Variants in DISP1 observed in about 807,000 individuals in gnomAD.
DISP1 encodes dispatched RND transporter family member 1.
DISP1 carries 30 observed loss-of-function variants against 37.3 expected under a neutral mutation model. The ratio of observed to expected loss-of-function variants is 0.80; its 90% CI spans 0.60 to 1.09. DISP1 has a LOEUF of 1.09. Among genes scored for constraint, DISP1 ranks in the 50% least tolerant of loss-of-function variants. The probability of loss-of-function intolerance (pLI) is 0.00; values close to 1 mark genes in which losing one functional copy is unlikely to be tolerated. For synonymous variants in DISP1, 634 were observed against 690.2 expected (o/e 0.92, Z 1.28); for missense variants, 1,598 against 1,879.5 (o/e 0.85, Z 2.77).
In DISP1 at chr1:223,004,603, A is replaced by G. The variant is rs1064795201; in HGVS notation, c.3206A>G (p.Glu1069Gly). 9.3e-6 allele frequency: 15 copies of G among 1,613,884 alleles called. No homozygotes were observed. The Middle Eastern group carries it at 4.9e-4, about 53-fold the overall frequency. The change falls in exon 9 of 9, where the codon GAA becomes GGA. Residue 1069 changes from glutamate (E) to glycine (G), a missense_variant. Glu to Gly is a moderately conservative substitution (Grantham distance 98). Coordinates refer to ENST00000675850, the MANE Select transcript of DISP1 (RefSeq NM_001377229.1). The surrounding 1 kb of genome is among the most constrained non-coding windows in gnomAD (Gnocchi z 4.9). ...CGCTTGGCTCCAGATCCCGACCGAG[A>G]AGGCAAAGTGATCTTCTCTCTGAGT... ...AYRLAPDPDR[E>G]GKVIFSLSRV... is the part of the protein sequence containing the mutation.
At chr1:222,832,640 A>C (rs1666036796) in intron 1 of DISP1, among the ~76,000 whole-genome samples, 1 of 152,188 alleles carries the variant, frequency 6.6e-6, no homozygotes, top group African/African-American at 2.4e-5. Flanking sequence ...CACACCTATA[A>C]TCCTAGCACT....
chr1:222,989,264 C>T, intron 4 of DISP1: 1 of 518,216 alleles, frequency 1.9e-6, no homozygotes, highest in Non-Finnish European at 2.5e-6. Flanking sequence ...CAGAAATAGC[C>T]ATTGCAGCAG....
intron 1 of DISP1, among the ~76,000 whole-genome samples, chr1:222,824,670 A>G (rs1442554697): frequency 6.6e-6 from 1 of 152,130 alleles, no homozygotes; most frequent in Non-Finnish European, 1.5e-5. Flanking sequence ...CATAGTTGAA[A>G]GTAGCAGATA....
chr1:223,005,940 T>C lies in DISP1; in HGVS notation c.4543T>C (p.Ser1515Pro), dbSNP rs1190787612. ...TGCTGTATTAACACACTCGGAACTT[T>C]CTGGTGAAAGTTTGTTAATAAAAAC... ...VPAVLTHSELSGESLLIKTL is the reference protein window; with the variant it reads ...VPAVLTHSELPGESLLIKTL Residue 1515 changes from serine (S) to proline (P), a missense_variant, in exon 9 of 9, where the codon TCT becomes CCT. Physicochemically the swap from Ser to Pro is moderately conservative, Grantham distance 74. Transcript: ENST00000675850. 6.2e-6 allele frequency: 10 copies of C among 1,614,034 alleles called. No individual in the cohort carries two copies. Among genetic ancestry groups the C allele is most frequent in the Non-Finnish European group, 8.5e-6 (10 of 1,180,018 alleles).
intron 1 of DISP1, among the ~76,000 whole-genome samples, chr1:222,846,498 A>T (rs71644709): frequency 0.15 from 23,592 of 152,234 alleles, 1,978 homozygotes; most frequent in South Asian, 0.18. Context: ...TCTCAAAAAA[A>T]AAAAGAGTGA....
intron 1 of DISP1, among the ~76,000 whole-genome samples, chr1:222,926,694 T>C (rs1673103929): frequency 6.6e-6 from 1 of 152,102 alleles, no homozygotes; most frequent in Admixed American, 6.6e-5. Flanking sequence ...TAACCAGGTA[T>C]ATTTTCTGTG....
chr1:222,833,154 G>A (rs968128831), intron 1 of DISP1, among the ~76,000 whole-genome samples: 1 of 152,060 alleles, frequency 6.6e-6, no homozygotes, highest in Non-Finnish European at 1.5e-5. Flanking sequence ...CGCATACTGA[G>A]TAGGCAGAAT....
rs577024197 is a variant in DISP1, at chr1:222,879,524, A to G, written c.-158-48906A>G. 2.7e-3 allele frequency among the ~76,000 whole-genome samples: 410 copies of G among 152,282 alleles called. 1 individual carries two copies. The highest frequency in any genetic ancestry group is 4.4e-3 in the Admixed American group (67 of 15,302). On this transcript the variant is annotated intron_variant, in intron 1 of 8. Transcript: ENST00000675850. ...TATAAAGAATATTCATATATCATAG[A>G]ATTTTCTATTTGAATAAAATGTGAT...
At chr1:222,875,180 G>T (rs61840283) in intron 1 of DISP1, among the ~76,000 whole-genome samples, 1 of 151,638 alleles carries the variant, frequency 6.6e-6, no homozygotes, top group African/African-American at 2.4e-5. Flanking sequence ...TTAAATTTAG[G>T]TTTTTGCCTC....
intron 3 of DISP1, among the ~76,000 whole-genome samples, chr1:222,980,283 T>C (rs1412645402): frequency 6.6e-6 from 1 of 152,204 alleles, no homozygotes; most frequent in African/African-American, 2.4e-5. Context: ...AACAAACTAA[T>C]GGTTCCTGCA....
At chr1:222,850,675 A>G (rs868064702) in intron 1 of DISP1, among the ~76,000 whole-genome samples, 4 of 152,118 alleles carry the variant, frequency 2.6e-5, no homozygotes, top group Admixed American at 6.6e-5. Flanking sequence ...TCCCTCTTAT[A>G]AGTGAGAACA....
At chr1:222,880,878 T>C (rs991013532) in intron 1 of DISP1, among the ~76,000 whole-genome samples, 3 of 151,996 alleles carry the variant, frequency 2.0e-5, no homozygotes, top group Non-Finnish European at 1.5e-5. Context: ...CTGGGCAACA[T>C]GGCAAAACCT....
At chr1:222,867,140 A>G (rs1669239506) in intron 1 of DISP1, among the ~76,000 whole-genome samples, 1 of 152,212 alleles carries the variant, frequency 6.6e-6, no homozygotes, top group African/African-American at 2.4e-5. Flanking sequence ...CTTTTGGTTT[A>G]CTTCTTAATT....
chr1:222,903,950 T>A (rs1671757606), intron 1 of DISP1, among the ~76,000 whole-genome samples: 1 of 152,230 alleles, frequency 6.6e-6, no homozygotes, highest in African/African-American at 2.4e-5. Flanking sequence ...TAAATACATT[T>A]TATTTTTATT....
intron 1 of DISP1, among the ~76,000 whole-genome samples, chr1:222,891,349 T>C (rs923770181): frequency 6.6e-6 from 1 of 152,166 alleles, no homozygotes; most frequent in Non-Finnish European, 1.5e-5. Flanking sequence ...GTGATGAAAG[T>C]ATTTTCACCA....
chr1:222,852,736 G>T (rs1317783953), intron 1 of DISP1, among the ~76,000 whole-genome samples: 1 of 152,116 alleles, frequency 6.6e-6, no homozygotes, highest in Non-Finnish European at 1.5e-5. Context: ...TTAAGACCTT[G>T]GCTCTCCTGG....
intron 1 of DISP1, among the ~76,000 whole-genome samples, chr1:222,902,424 C>T (rs541186734): frequency 1.3e-5 from 2 of 152,200 alleles, no homozygotes; most frequent in East Asian, 3.9e-4. Context: ...ACACCAAAAG[C>T]AATGGCAACA....
At chr1:222,823,826 T>G (rs970419629) in intron 1 of DISP1, 7 of 144,488 alleles carry the variant, frequency 4.8e-5, no homozygotes, top group African/African-American at 1.5e-4. Context: ...TTTCTTTCTT[T>G]CCTTTTTTTT....
chr1:222,828,181 A>T (rs992864756), intron 1 of DISP1, among the ~76,000 whole-genome samples: 7 of 152,212 alleles, frequency 4.6e-5, no homozygotes, highest in South Asian at 4.1e-4. Context: ...TATATGCAGA[A>T]TTGTGATTTA....
Sources: gnomAD v4.1 joint callset for allele counts (sites outside exome capture counted in the v4.1 genomes callset) on GRCh38, gnomAD v4.1.1 for gene constraint, Gnocchi (gnomAD v3.1) non-coding constraint, MANE v1.5 for transcripts, NCBI Gene and HGNC (gene_info 2026-07-23, HGNC 2026-07-21) for gene names.